The following GABRA1 variants were observed in gnomAD, a reference collection of about 807,000 sequenced individuals.
GABRA1 encodes the protein gamma-aminobutyric acid receptor subunit alpha-1.
GABRA1 carries 9 observed loss-of-function variants against 48.9 expected under a neutral mutation model. The ratio of observed to expected loss-of-function variants is 0.18; its 90% CI spans 0.11 to 0.32. The LOEUF is 0.32. Among genes scored for constraint, GABRA1 ranks in the 10% least tolerant of loss-of-function variants. GABRA1 has a pLI of 1.00. For synonymous variants in GABRA1, 210 were observed against 198.7 expected (o/e 1.06, Z -0.48); for missense variants, 285 against 553.8 (o/e 0.51, Z 4.87).
chr5:161,888,977 ATTC>A (rs1428083708), intron 7 of GABRA1, among the ~76,000 whole-genome samples: 3 of 152,014 alleles, frequency 2.0e-5, no homozygotes, highest in African/African-American at 7.2e-5. Flanking sequence ...CCAAATAACT[ATTC>A]TTCTTTTAAT....
rs376462686 is a variant in GABRA1 at position 161,885,784 on chromosome 5, A to G, written c.703+3083A>G. On this transcript the variant is annotated intron_variant, in intron 7 of 9. Transcript: ENST00000393943. ...AGAAAAATACTACTGGACAGAGTAT[A>G]TGGCAGAGAAATAGGCAAACGGGAA... is the stretch of plus-strand genomic sequence containing the variant. 1.1e-3 allele frequency among the ~76,000 whole-genome samples: 170 copies of G among 152,292 alleles called. 1 individual carries two copies. Among genetic ancestry groups the G allele is most frequent in the African/African-American group, 4.0e-3 (166 of 41,566 alleles).
intron 7 of GABRA1, among the ~76,000 whole-genome samples, chr5:161,890,646 A>T (rs960309871): frequency 6.6e-6 from 1 of 152,064 alleles, no homozygotes; most frequent in East Asian, 1.9e-4. Flanking sequence ...CCAATATGTG[A>T]TGTATTTGAA....
At chr5:161,894,299 G>A (rs1755261832) in intron 8 of GABRA1, among the ~76,000 whole-genome samples, 1 of 152,096 alleles carries the variant, frequency 6.6e-6, no homozygotes. Context: ...ATAGAACAGG[G>A]ATTTGAAACT....
intron 2 of GABRA1, among the ~76,000 whole-genome samples, chr5:161,853,389 AG>A (rs1283467126): frequency 6.6e-6 from 1 of 151,926 alleles, no homozygotes; most frequent in Non-Finnish European, 1.5e-5. Context: ...GAAGAAAGCT[AG>A]GTTCTAGGTC....
intron 7 of GABRA1, among the ~76,000 whole-genome samples, chr5:161,888,331 T>G (rs1754939548): frequency 6.6e-6 from 1 of 152,084 alleles, no homozygotes; most frequent in South Asian, 2.1e-4. Flanking sequence ...TCTTCCTTAT[T>G]TGAAAGTTTG....
chr5:161,867,366 A>G (rs1273493060), intron 4 of GABRA1, among the ~76,000 whole-genome samples: 3 of 152,072 alleles, frequency 2.0e-5, no homozygotes, highest in African/African-American at 7.2e-5. Context: ...ACTCTCTGTC[A>G]CTTGTTCCCA....
chr5:161,873,453 C>T, intron 5 of GABRA1, 116 bp downstream of exon 5: 2 of 828,148 alleles, frequency 2.4e-6, no homozygotes, highest in Non-Finnish European at 2.0e-6. Context: ...GTTTTTCAAC[C>T]TTAACAATCT....
At chr5:161,880,909 G>A (rs1299616628) in intron 6 of GABRA1, among the ~76,000 whole-genome samples, 3 of 152,148 alleles carry the variant, frequency 2.0e-5, no homozygotes, top group Non-Finnish European at 4.4e-5. Context: ...TTATTTAAGT[G>A]GGGATTGGGT....
chr5:161,855,576 G>A (rs1393522184), intron 3 of GABRA1, among the ~76,000 whole-genome samples: 1 of 151,392 alleles, frequency 6.6e-6, no homozygotes, highest in Non-Finnish European at 1.5e-5. Context: ...TCACAAAATG[G>A]GGAGCCTAAT....
intron 6 of GABRA1, among the ~76,000 whole-genome samples, chr5:161,880,860 C>G (rs1305389272): frequency 1.3e-5 from 2 of 152,062 alleles, no homozygotes; most frequent in Non-Finnish European, 2.9e-5. Context: ...TATATCTTAT[C>G]TGGGGAAAAT....
At chr5:161,849,016 G>A (rs1233712954) in intron 1 of GABRA1, 1 of 455,236 alleles carries the variant, frequency 2.2e-6, no homozygotes, top group Non-Finnish European at 4.4e-6. Context: ...CTTAGTCTTT[G>A]ATATGGATGG....
At chr5:161,857,175 T>C (rs1757682284) in intron 3 of GABRA1, among the ~76,000 whole-genome samples, 2 of 151,448 alleles carry the variant, frequency 1.3e-5, no homozygotes, top group African/African-American at 4.8e-5. Context: ...TAGGATGATT[T>C]CCTCTTGCAA....
At chr5:161,892,757 C>A (rs908241124) in intron 8 of GABRA1, among the ~76,000 whole-genome samples, 3 of 152,110 alleles carry the variant, frequency 2.0e-5, no homozygotes, top group Non-Finnish European at 4.4e-5. Context: ...GTAATCCCAG[C>A]ACTTTGGGAG....
At chr5:161,879,105 T>A (rs1754495999) in intron 6 of GABRA1, among the ~76,000 whole-genome samples, 2 of 152,192 alleles carry the variant, frequency 1.3e-5, no homozygotes, top group Non-Finnish European at 2.9e-5. Context: ...TTGTCTTTTT[T>A]ATTTTATTAA....
intron 5 of GABRA1, among the ~76,000 whole-genome samples, chr5:161,873,985 TA>T (rs1561575974): frequency 6.6e-6 from 1 of 152,132 alleles, no homozygotes; most frequent in African/African-American, 2.4e-5. Flanking sequence ...GAATTTTATA[TA>T]GAAAAAAAGA....
At chr5:161,891,904 T>C (rs1238805172) in intron 8 of GABRA1, among the ~76,000 whole-genome samples, 2 of 152,232 alleles carry the variant, frequency 1.3e-5, no homozygotes, top group Non-Finnish European at 2.9e-5. Context: ...TACTAGGCGC[T>C]ATTCTATACA....
Position 161,897,117 on chromosome 5 carries a change from A to G in GABRA1, c.1066A>G (p.Lys356Glu). 6.2e-7 allele frequency: 1 copy of G among 1,614,016 alleles called. No homozygotes were observed. ...GKSVVPEKPKKVKDPLIKKNN... is the reference protein window; with the variant it reads ...GKSVVPEKPKEVKDPLIKKNN... ...TTGCTCTTTCTTTCTACAGCCAAAG[A>G]AAGTAAAGGATCCTCTTATTAAGAA... Residue 356 changes from lysine to glutamate, a missense_variant, in exon 10 of 10, where the codon AAA (lysine) becomes GAA (glutamate). Physicochemically the swap from Lys to Glu is moderately conservative, Grantham distance 56. Around this residue, in one of 6 missense-constraint regions of GABRA1, gnomAD observed 99 missense variants for 94.2 expected, o/e 1.05. Coordinates refer to ENST00000393943, the MANE Select transcript of GABRA1 (RefSeq NM_001127644.2).
At chr5:161,861,423 G>A (rs1276255526) in intron 3 of GABRA1, among the ~76,000 whole-genome samples, 1 of 151,758 alleles carries the variant, frequency 6.6e-6, no homozygotes, top group Non-Finnish European at 1.5e-5. Context: ...TCATATTACA[G>A]CATATGGAGG....
chr5:161,850,329 C>T (rs1757387708), intron 1 of GABRA1: 2 of 297,834 alleles, frequency 6.7e-6, no homozygotes, highest in South Asian at 3.1e-4. Flanking sequence ...TCAGCCATCA[C>T]AACATGTTAA....
Sources: allele counts gnomAD v4.1 joint callset (sites outside exome capture counted in the v4.1 genomes callset), GRCh38; gene constraint gnomAD v4.1.1; regional missense constraint gnomAD v4.1.1; transcripts MANE v1.5; gene names NCBI Gene and HGNC (gene_info 2026-07-23, HGNC 2026-07-21).